The following NRG3 variants were observed in gnomAD, a reference collection of about 807,000 sequenced individuals.
NRG3 encodes pro-neuregulin-3, membrane-bound isoform.
In NRG3, 31 loss-of-function variants were observed where a neutral mutation model predicts 66.9. That is an observed-to-expected ratio of 0.46 (90% confidence interval 0.35 to 0.63). The LOEUF is 0.63. Ranked by LOEUF, NRG3 falls within the 20% of genes least tolerant of loss-of-function variation. The pLI is 0.00. For synonymous variants in NRG3, 393 were observed against 359.4 expected, an observed-to-expected ratio of 1.09 and a Z score of -1.06; for missense variants, 910 against 878.9, an observed-to-expected ratio of 1.04 and a Z score of -0.45.
At chr10:82,519,215 C>T (rs1845970455) in intron 2 of NRG3, among the ~76,000 whole-genome samples, 1 of 152,158 alleles carries the variant, frequency 6.6e-6, no homozygotes, top group Admixed American at 6.5e-5. Flanking sequence ...TCCAAGTGTT[C>T]AGAGAGTTCT....
chr10:82,584,660 CT>C (rs910510243), intron 2 of NRG3, among the ~76,000 whole-genome samples: 2 of 152,002 alleles, frequency 1.3e-5, no homozygotes, highest in South Asian at 2.1e-4. Context: ...TAATTGTTGC[CT>C]TTTTTTCTGC....
intron 4 of NRG3, among the ~76,000 whole-genome samples, chr10:82,936,436 G>A (rs1848071785): frequency 6.6e-6 from 1 of 152,182 alleles, no homozygotes; most frequent in Non-Finnish European, 1.5e-5. Flanking sequence ...TGATGGTTAT[G>A]AGAGGCCATA....
At chr10:82,246,590 G>A (rs1018998492) in intron 1 of NRG3, among the ~76,000 whole-genome samples, 1 of 152,078 alleles carries the variant, frequency 6.6e-6, no homozygotes, top group Non-Finnish European at 1.5e-5. Context: ...TAATGCTTTG[G>A]CATAAACAAC....
At chr10:82,803,362 C>G (rs2061133014) in intron 3 of NRG3, among the ~76,000 whole-genome samples, 1 of 152,144 alleles carries the variant, frequency 6.6e-6, no homozygotes, top group Admixed American at 6.5e-5. Flanking sequence ...GTGTGGGACT[C>G]TAAATGACAG....
At chr10:82,149,226 T>C (rs1262270811) in intron 1 of NRG3, among the ~76,000 whole-genome samples, 1 of 152,148 alleles carries the variant, frequency 6.6e-6, no homozygotes, top group Non-Finnish European at 1.5e-5. Context: ...TATCAAGTTA[T>C]TATCCCCAGT....
chr10:82,202,160 C>A (rs780867617), intron 1 of NRG3, among the ~76,000 whole-genome samples: 2 of 152,188 alleles, frequency 1.3e-5, no homozygotes, highest in Non-Finnish European at 2.9e-5. Context: ...GACTCAAATT[C>A]AATTCTGTCT....
intron 4 of NRG3, among the ~76,000 whole-genome samples, chr10:82,903,845 C>T (rs564144724): frequency 6.6e-6 from 1 of 151,920 alleles, no homozygotes; most frequent in South Asian, 2.1e-4. Flanking sequence ...GGTCAGATTC[C>T]CTATAACTTC....
In NRG3 at chr10:81,879,999, A is replaced by G. The variant is rs576152732; in HGVS notation, c.823+3836A>G. Reference sequence around the variant, plus strand: ...TGAGAGGATTCAGAGCTCAGGATCAATATTTCTTATGAAATCCAATTGAGA... The same window carrying G: ...TGAGAGGATTCAGAGCTCAGGATCAGTATTTCTTATGAAATCCAATTGAGA... On this transcript the variant is annotated intron_variant, in intron 1 of 8. Coordinates refer to ENST00000372141, the MANE Select transcript of NRG3 (RefSeq NM_001010848.4). 2.7e-3 allele frequency among the ~76,000 whole-genome samples: 416 copies of G among 152,328 alleles called. 1 individual carries two copies. Among genetic ancestry groups the G allele is most frequent in the Non-Finnish European group, 4.6e-3 (311 of 68,024 alleles).
intron 2 of NRG3, among the ~76,000 whole-genome samples, chr10:82,391,984 G>C (rs1184410099): frequency 9.4e-6 from 1 of 105,966 alleles, no homozygotes; most frequent in Non-Finnish European, 1.7e-5. Context: ...ATCCTCTTTC[G>C]AGCACATGCA....
chr10:82,754,120 A>G (rs1368559810), intron 3 of NRG3, among the ~76,000 whole-genome samples: 2 of 151,970 alleles, frequency 1.3e-5, no homozygotes, highest in Non-Finnish European at 2.9e-5. Context: ...TAGTAATATT[A>G]TTAGCAGCAT....
intron 2 of NRG3, among the ~76,000 whole-genome samples, chr10:82,646,100 A>G (rs1253608645): frequency 1.3e-5 from 2 of 152,158 alleles, no homozygotes; most frequent in Non-Finnish European, 2.9e-5. Flanking sequence ...AATGAGAAGG[A>G]ACAAGTATGT....
intron 2 of NRG3, among the ~76,000 whole-genome samples, chr10:82,664,605 G>C (rs1339018930): frequency 6.6e-6 from 1 of 152,154 alleles, no homozygotes; most frequent in Admixed American, 6.5e-5. Flanking sequence ...TAATAATGCG[G>C]ACCATGGTAA....
At chr10:82,468,740 C>T (rs953573736) in intron 2 of NRG3, among the ~76,000 whole-genome samples, 1 of 152,032 alleles carries the variant, frequency 6.6e-6, no homozygotes, top group African/African-American at 2.4e-5. Context: ...AGATCTATTG[C>T]ATCTAATGGA....
chr10:82,646,130 C>T (rs2050913154), intron 2 of NRG3, among the ~76,000 whole-genome samples: 1 of 152,086 alleles, frequency 6.6e-6, no homozygotes. Flanking sequence ...GATCTGAATG[C>T]TTGATCCTTG....
chr10:82,674,661 C>T (rs1053638432), intron 2 of NRG3, among the ~76,000 whole-genome samples: 1 of 152,068 alleles, frequency 6.6e-6, no homozygotes, highest in African/African-American at 2.4e-5. Context: ...ACATCGGGAG[C>T]ATCAGTTTCC....
At chr10:81,924,242 A>C (rs896743838) in intron 1 of NRG3, among the ~76,000 whole-genome samples, 1 of 152,228 alleles carries the variant, frequency 6.6e-6, no homozygotes, top group Non-Finnish European at 1.5e-5. Context: ...TTTCCAACTC[A>C]TAATTAGTAG....
At chr10:82,378,234 A>G (rs1272248255) in intron 2 of NRG3, among the ~76,000 whole-genome samples, 1 of 152,224 alleles carries the variant, frequency 6.6e-6, no homozygotes, top group Non-Finnish European at 1.5e-5. Context: ...ACAGAGGGAA[A>G]GCATTAAGAC....
intron 2 of NRG3, among the ~76,000 whole-genome samples, chr10:82,662,037 G>T (rs779608131): frequency 1.2e-4 from 19 of 152,154 alleles, no homozygotes; most frequent in Non-Finnish European, 2.2e-4. Context: ...ATTATAACAA[G>T]CCAGGAAAGA....
chr10:81,878,007 G>T, intron 1 of NRG3: 1 of 1,537,680 alleles, frequency 6.5e-7, no homozygotes, highest in Non-Finnish European at 8.7e-7. Flanking sequence ...GGGAGAGGAG[G>T]GGGACTACAC....
Sources: allele counts gnomAD v4.1 joint callset (sites outside exome capture counted in the v4.1 genomes callset), GRCh38; gene constraint gnomAD v4.1.1; transcripts MANE v1.5; gene names NCBI Gene and HGNC (gene_info 2026-07-23, HGNC 2026-07-21).